The following FRMD4A variants were observed in gnomAD, a reference collection of about 807,000 sequenced individuals.
FRMD4A encodes FERM domain-containing protein 4A.
A neutral mutation model predicts 129.1 loss-of-function variants in FRMD4A; 29 were observed. The ratio of observed to expected loss-of-function variants is 0.22; its 90% CI spans 0.17 to 0.31. FRMD4A has a LOEUF of 0.31. Among genes scored for constraint, FRMD4A ranks in the 10% least tolerant of loss-of-function variants. FRMD4A has a pLI of 1.00. For synonymous variants in FRMD4A, 634 were observed against 571.6 expected, an observed-to-expected ratio of 1.11 and a Z score of -1.56; for missense variants, 1,272 against 1,375.8, an observed-to-expected ratio of 0.92 and a Z score of 1.19.
chr10:14,205,539 G>C (rs1301845155), intron 2 of FRMD4A, among the ~76,000 whole-genome samples: 2 of 152,132 alleles, frequency 1.3e-5, no homozygotes, highest in Non-Finnish European at 2.9e-5. Flanking sequence ...GGGTGCGGTG[G>C]CTTATGCCTG....
At chr10:14,142,591 A>G (rs1383337363) in intron 2 of FRMD4A, among the ~76,000 whole-genome samples, 2 of 152,256 alleles carry the variant, frequency 1.3e-5, no homozygotes, top group African/African-American at 4.8e-5. Flanking sequence ...AATCACTATT[A>G]CCATCCAGGA....
At chr10:14,207,144 T>C (rs968573252) in intron 2 of FRMD4A, among the ~76,000 whole-genome samples, 7 of 151,820 alleles carry the variant, frequency 4.6e-5, no homozygotes, top group African/African-American at 9.7e-5. Context: ...CATTCCAGAG[T>C]GTTCTGGAAT....
intron 11 of FRMD4A, among the ~76,000 whole-genome samples, chr10:13,738,851 C>G (rs1437694111): frequency 1.3e-5 from 2 of 152,166 alleles, no homozygotes; most frequent in East Asian, 3.9e-4. Flanking sequence ...AAACTCCTGA[C>G]CTCAGCTGAT....
chr10:13,867,806 A>C (rs28627968), intron 2 of FRMD4A, among the ~76,000 whole-genome samples: 1 of 135,948 alleles, frequency 7.4e-6, no homozygotes, highest in Non-Finnish European at 1.5e-5. Context: ...ATATATAATA[A>C]ATAATACATA....
intron 2 of FRMD4A, among the ~76,000 whole-genome samples, chr10:13,883,471 G>C (rs1819113791): frequency 6.6e-6 from 1 of 152,080 alleles, no homozygotes; most frequent in African/African-American, 2.4e-5. Flanking sequence ...CAGCCTGGGT[G>C]ACAGGGTGAG....
At chr10:14,322,016 T>C (rs1794651630) in intron 2 of FRMD4A, among the ~76,000 whole-genome samples, 1 of 152,214 alleles carries the variant, frequency 6.6e-6, no homozygotes, top group Non-Finnish European at 1.5e-5. Context: ...TCTTCCACCA[T>C]GATTGTAAGT....
chr10:14,105,697 C>T (rs1837552305), intron 2 of FRMD4A, among the ~76,000 whole-genome samples: 1 of 152,134 alleles, frequency 6.6e-6, no homozygotes, highest in Non-Finnish European at 1.5e-5. Flanking sequence ...AGATAAGGTC[C>T]ATAAATAGTG....
intron 2 of FRMD4A, among the ~76,000 whole-genome samples, chr10:13,990,073 C>T (rs1415924849): frequency 6.6e-6 from 1 of 152,188 alleles, no homozygotes; most frequent in African/African-American, 2.4e-5. Flanking sequence ...GGATCTGCCA[C>T]TGCTGGCTGC....
chr10:13,729,118 G>A (rs888665935), intron 12 of FRMD4A, among the ~76,000 whole-genome samples: 14 of 152,380 alleles, frequency 9.2e-5, no homozygotes, highest in East Asian at 1.9e-4. Context: ...GGCCAAGTAG[G>A]CCTGGTCTCT....
intron 2 of FRMD4A, among the ~76,000 whole-genome samples, chr10:13,962,566 C>A (rs1443611440): frequency 2.0e-5 from 3 of 152,072 alleles, no homozygotes; most frequent in African/African-American, 7.2e-5. Context: ...CAGAGCAATT[C>A]GATTCCTGAT....
At chr10:13,988,201 G>A (rs1313688757) in intron 2 of FRMD4A, among the ~76,000 whole-genome samples, 5 of 152,150 alleles carry the variant, frequency 3.3e-5, no homozygotes, top group South Asian at 2.1e-4. Flanking sequence ...ATACACAACC[G>A]TAAAGACTCC....
At chr10:13,853,528 C>A (rs550670932) in intron 3 of FRMD4A, among the ~76,000 whole-genome samples, 17 of 151,624 alleles carry the variant, frequency 1.1e-4, no homozygotes, top group African/African-American at 3.9e-4. Context: ...TAGAGCGAGA[C>A]CCTGCCTGAA....
intron 2 of FRMD4A, among the ~76,000 whole-genome samples, chr10:13,951,951 A>G (rs1430188444): frequency 5.5e-5 from 8 of 145,098 alleles, no homozygotes; most frequent in Admixed American, 4.9e-4. Flanking sequence ...AATTTTACAG[A>G]GAAGTGGTTG....
At chr10:14,058,871 G>A (rs545459749) in intron 2 of FRMD4A, among the ~76,000 whole-genome samples, 1 of 152,248 alleles carries the variant, frequency 6.6e-6, no homozygotes, top group South Asian at 2.1e-4. Context: ...GGCCACATGT[G>A]GACTTCTAGG....
chr10:13,918,394 G>A (rs1427559058), intron 2 of FRMD4A, among the ~76,000 whole-genome samples: 1 of 152,082 alleles, frequency 6.6e-6, no homozygotes, highest in Non-Finnish European at 1.5e-5. Flanking sequence ...TTAGAAACTT[G>A]AACTTTCAAA....
intron 3 of FRMD4A, among the ~76,000 whole-genome samples, chr10:13,834,760 C>A (rs529262742): frequency 6.6e-4 from 101 of 152,252 alleles, no homozygotes; most frequent in Non-Finnish European, 1.2e-3. Context: ...TGCCATGGGA[C>A]ACATTTCCAG....
At chr10:14,019,650 GATAAAA>G (rs1419826727) in intron 2 of FRMD4A, among the ~76,000 whole-genome samples, 1 of 152,074 alleles carries the variant, frequency 6.6e-6, no homozygotes, top group Non-Finnish European at 1.5e-5. Flanking sequence ...ATATTATTTT[GATAAAA>G]ATAAAAATTA....
At chr10:14,153,890 G>C (rs1242546731) in intron 2 of FRMD4A, among the ~76,000 whole-genome samples, 1 of 152,156 alleles carries the variant, frequency 6.6e-6, no homozygotes, top group Non-Finnish European at 1.5e-5. Context: ...GGCACCGATG[G>C]AGCAGTCCCT....
chr10:13,907,255 A>G (rs762555077), intron 2 of FRMD4A, among the ~76,000 whole-genome samples: 4 of 152,332 alleles, frequency 2.6e-5, no homozygotes, highest in East Asian at 3.9e-4. Context: ...GTTATAACCT[A>G]AACTATGATC....
Sources: gnomAD v4.1 joint callset for allele counts (sites outside exome capture counted in the v4.1 genomes callset) on GRCh38, gnomAD v4.1.1 for gene constraint, MANE v1.5 for transcripts, NCBI Gene and HGNC (gene_info 2026-07-23, HGNC 2026-07-21) for gene names.